Variants in FBN2 observed in about 807,000 individuals in gnomAD.
FBN2 encodes the protein fibrillin 2, also known as fibrillin-2.
Under a neutral mutation model 355.6 loss-of-function variants are expected in FBN2, and 105 were observed. That is an observed-to-expected ratio of 0.30 (90% confidence interval 0.25 to 0.35). The LOEUF (loss-of-function observed/expected upper bound fraction) is 0.35. FBN2 is among the 10% of genes least tolerant of loss of function. FBN2 has a pLI of 1.00. For missense variants in FBN2, 3,280 were observed against 3,758.7 expected, an observed-to-expected ratio of 0.87 and a Z score of 3.33; for synonymous variants, 1,350 against 1,301.2, an observed-to-expected ratio of 1.04 and a Z score of -0.81.
intron 5 of FBN2, among the ~76,000 whole-genome samples, chr5:128,516,525 G>C (rs6893181): frequency 6.6e-6 from 1 of 151,808 alleles, no homozygotes; most frequent in African/African-American, 2.4e-5. Flanking sequence ...CAGTCTCTGG[G>C]TCTGGAAACC....
intron 63 of FBN2, 46 bp downstream of exon 63, chr5:128,263,379 A>C (rs919397579): frequency 1.4e-6 from 2 of 1,460,734 alleles, no homozygotes; most frequent in Non-Finnish European, 1.9e-6. Flanking sequence ...GAACTCACTC[A>C]GGAACCATGT....
intron 44 of FBN2, 106 bp from the exon 45 acceptor site, chr5:128,305,188 C>G (rs1749834695): frequency 4.9e-6 from 5 of 1,021,390 alleles, no homozygotes; most frequent in Admixed American, 2.0e-5. Flanking sequence ...TATAGGCAGG[C>G]TGAAAATGAA....
chr5:128,392,297 G>A, intron 10 of FBN2, 142 bp from the exon 11 acceptor site: 1 of 733,228 alleles, frequency 1.4e-6, no homozygotes, highest in East Asian at 2.8e-5. Context: ...AAACTTTAAT[G>A]TGGAGAATCT....
At chr5:128,515,028 A>G (rs1316331604) in intron 5 of FBN2, among the ~76,000 whole-genome samples, 1 of 152,200 alleles carries the variant, frequency 6.6e-6, no homozygotes, top group Non-Finnish European at 1.5e-5. Context: ...TAAGCTGTAC[A>G]GTCACCCTGA....
At chr5:128,266,689 TA>T (rs1561738010) in intron 62 of FBN2, among the ~76,000 whole-genome samples, 2 of 151,950 alleles carry the variant, frequency 1.3e-5, no homozygotes, top group South Asian at 2.1e-4. Flanking sequence ...TTGTTCTCCT[TA>T]AAAAAAATTC....
At chr5:128,310,393 T>C (rs1272980288) in intron 39 of FBN2, among the ~76,000 whole-genome samples, 1 of 6,926 alleles carries the variant, frequency 1.4e-4, no homozygotes, top group Non-Finnish European at 2.8e-4. Flanking sequence ...TATATATATA[T>C]ATATATATAT....
At chr5:128,309,491 T>G in intron 40 of FBN2, 92 bp from the exon 41 acceptor site, 2 of 1,075,012 alleles carry the variant, frequency 1.9e-6, no homozygotes, top group Non-Finnish European at 2.8e-6. Flanking sequence ...GCTTTCCTGA[T>G]GAACACAACT....
At chr5:128,440,564 C>T (rs189613970) in intron 7 of FBN2, among the ~76,000 whole-genome samples, 3 of 152,286 alleles carry the variant, frequency 2.0e-5, no homozygotes, top group East Asian at 1.9e-4. Flanking sequence ...ATGATCTAAT[C>T]ACCTCCCACA....
chr5:128,367,675 A>G (rs1003300631), intron 16 of FBN2, among the ~76,000 whole-genome samples: 17 of 151,700 alleles, frequency 1.1e-4, no homozygotes, highest in East Asian at 5.8e-4. Flanking sequence ...AACAATAATT[A>G]TTATTTAATC....
chr5:128,391,603 G>A (rs1752512459), intron 11 of FBN2, among the ~76,000 whole-genome samples: 1 of 152,140 alleles, frequency 6.6e-6, no homozygotes, highest in Non-Finnish European at 1.5e-5. Flanking sequence ...GTCTGAGACC[G>A]ACATATTTGA....
chr5:128,537,771 G>A lies in FBN2; in HGVS notation c.-168C>T, dbSNP rs1756900152. On this transcript the variant is annotated 5_prime_UTR_variant, in exon 1 of 65. Coordinates refer to ENST00000262464, the MANE Select transcript of FBN2 (RefSeq NM_001999.4). ...AGCTGGAGACCTCGACAGAGCGCCG[G>A]CCCCCTGACTGCCCGCGAAGCGAGA... 3 of 676,396 alleles carry A rather than the reference G, an allele frequency of 4.4e-6. No homozygotes were observed. The African/African-American group carries it at 5.4e-5, about 12-fold the overall frequency. The allele number at this position is 676,396 out of a possible 1,614,324, so 41.9% of individuals were successfully genotyped here.
chr5:128,433,247 T>C (rs1027759803), intron 7 of FBN2, among the ~76,000 whole-genome samples: 2 of 152,168 alleles, frequency 1.3e-5, no homozygotes, highest in Non-Finnish European at 2.9e-5. Context: ...AGGAACTTAT[T>C]TGGGAAACCA....
At chr5:128,510,974 C>T (rs913181293) in intron 5 of FBN2, among the ~76,000 whole-genome samples, 4 of 152,064 alleles carry the variant, frequency 2.6e-5, no homozygotes, top group Non-Finnish European at 5.9e-5. Flanking sequence ...CTTCTTTATA[C>T]CTCCATTTTT....
intron 39 of FBN2, 121 bp downstream of exon 39, chr5:128,311,179 A>T: frequency 2.1e-6 from 2 of 963,164 alleles, no homozygotes. Flanking sequence ...AAAAAAAAAA[A>T]GCTATGAACC....
In FBN2 at chr5:128,287,055, C is replaced by A. The variant is rs11746935; in HGVS notation, c.6881-206G>T. Among the ~76,000 whole-genome samples, 35,251 of 152,020 alleles carry A rather than the reference C, an allele frequency of 0.23. 5,057 individuals are homozygous for A. Among genetic ancestry groups the A allele is most frequent in the Middle Eastern group, 0.43 (126 of 294 alleles). ...TAGTGATAAGAAGTTTAGGGAAGGG[C>A]AATCTTTGCCTTAATAAGAATCCAA... On this transcript the variant is annotated intron_variant, in intron 54 of 64. Transcript: ENST00000262464.
At chr5:128,319,121 T>A in intron 34 of FBN2, 120 bp from the exon 35 acceptor site, 1 of 754,994 alleles carries the variant, frequency 1.3e-6, no homozygotes, top group South Asian at 1.7e-5. Flanking sequence ...TAAGGCTTTT[T>A]TTTTCTCTTT....
chr5:128,375,492 A>T (rs1186024587), intron 14 of FBN2, among the ~76,000 whole-genome samples: 1 of 152,198 alleles, frequency 6.6e-6, no homozygotes, highest in African/African-American at 2.4e-5. Flanking sequence ...ATGACATCCC[A>T]GTCATGAGTT....
chr5:128,301,250 T>C, intron 47 of FBN2, 132 bp downstream of exon 47: 2 of 901,560 alleles, frequency 2.2e-6, no homozygotes, highest in African/African-American at 1.7e-5. Context: ...TTTTCCATCA[T>C]AGCTTATCTT....
rs142360143 is a variant in FBN2 at position 128,363,499 on chromosome 5, A to C, written c.2428+1101T>G. Among the ~76,000 whole-genome samples, 192 of 152,228 alleles carry C rather than the reference A, an allele frequency of 1.3e-3. 3 individuals are homozygous for C. Among genetic ancestry groups the C allele is most frequent in the African/African-American group, 4.5e-3 (187 of 41,532 alleles). On this transcript the variant is annotated intron_variant, in intron 18 of 64. Transcript: ENST00000262464. ...GCCACTGCATCCAGCTTGCATCACA[A>C]TTTTTTAACCCATTTTTCTAAGCTA...
Sources: gnomAD v4.1 joint callset for allele counts (sites outside exome capture counted in the v4.1 genomes callset) on GRCh38, gnomAD v4.1.1 for gene constraint, MANE v1.5 for transcripts, NCBI Gene and HGNC (gene_info 2026-07-23, HGNC 2026-07-21) for gene names.